LRMDA: variants seen among roughly 807,000 people sequenced by gnomAD.
LRMDA encodes leucine-rich melanocyte differentiation-associated protein.
In LRMDA, 18 loss-of-function variants were observed where a neutral mutation model predicts 29.8. That is an observed-to-expected ratio of 0.60 (90% confidence interval 0.42 to 0.90). LRMDA has a LOEUF of 0.90. LRMDA is among the 40% of genes least tolerant of loss of function. The probability of loss-of-function intolerance (pLI) is 0.00; values close to 1 mark genes in which losing one functional copy is unlikely to be tolerated. For synonymous variants in LRMDA, 125 were observed against 109.4 expected, an observed-to-expected ratio of 1.14 and a Z score of -0.89; for missense variants, 273 against 273.9, an observed-to-expected ratio of 1.00 and a Z score of 0.02.
At chr10:76,520,759 T>C (rs1024571993) in intron 6 of LRMDA, among the ~76,000 whole-genome samples, 5 of 152,210 alleles carry the variant, frequency 3.3e-5, no homozygotes, top group Admixed American at 1.3e-4. Context: ...ACATTTCAAA[T>C]TCTCAGGCTT....
At chr10:75,878,968 C>G (rs546684389) in intron 2 of LRMDA, among the ~76,000 whole-genome samples, 16 of 152,344 alleles carry the variant, frequency 1.1e-4, no homozygotes, top group African/African-American at 3.6e-4. Context: ...TACTTGGCCC[C>G]TTCCAAACTC....
intron 2 of LRMDA, among the ~76,000 whole-genome samples, chr10:75,979,210 CTAT>C (rs1324309249): frequency 2.6e-5 from 4 of 152,158 alleles, no homozygotes; most frequent in East Asian, 1.9e-4. Context: ...TATATTACTG[CTAT>C]TATTAATAAT....
chr10:75,524,271 G>A (rs932728700), intron 2 of LRMDA, among the ~76,000 whole-genome samples: 1 of 152,162 alleles, frequency 6.6e-6, no homozygotes, highest in African/African-American at 2.4e-5. Flanking sequence ...ATTCATCCAT[G>A]TAAATAATTG....
intron 6 of LRMDA, among the ~76,000 whole-genome samples, chr10:76,443,601 A>G (rs767413241): frequency 3.3e-5 from 5 of 152,222 alleles, no homozygotes; most frequent in Admixed American, 1.3e-4. Flanking sequence ...CTAGCTATCA[A>G]TACAGCATAG....
chr10:76,453,443 T>C (rs1287926857), intron 6 of LRMDA, among the ~76,000 whole-genome samples: 2 of 152,208 alleles, frequency 1.3e-5, no homozygotes, highest in African/African-American at 4.8e-5. Flanking sequence ...TTGAAACATG[T>C]ATTCCCAAGA....
At chr10:76,279,197 G>C (rs1336653355) in intron 5 of LRMDA, among the ~76,000 whole-genome samples, 1 of 152,186 alleles carries the variant, frequency 6.6e-6, no homozygotes, top group Non-Finnish European at 1.5e-5. Flanking sequence ...CATGAACTTA[G>C]AGTTTGACCA....
At chr10:75,721,667 A>G (rs1004641273) in intron 2 of LRMDA, among the ~76,000 whole-genome samples, 5 of 152,326 alleles carry the variant, frequency 3.3e-5, no homozygotes, top group East Asian at 1.9e-4. Context: ...CATTATGCAC[A>G]AAGGTCCTTT....
At chr10:76,168,203 G>C (rs1467757291) in intron 5 of LRMDA, among the ~76,000 whole-genome samples, 1 of 152,096 alleles carries the variant, frequency 6.6e-6, no homozygotes, top group African/African-American at 2.4e-5. Context: ...TTAGCCACAG[G>C]ACTTTGAATT....
At chr10:75,966,002 A>G (rs76645845) in intron 2 of LRMDA, among the ~76,000 whole-genome samples, 2,536 of 152,244 alleles carry the variant, frequency 0.017, 34 homozygotes, top group Non-Finnish European at 0.027. Context: ...TATCTCCTTA[A>G]TATCTTCTGC....
intron 6 of LRMDA, among the ~76,000 whole-genome samples, chr10:76,358,894 A>G (rs1841275219): frequency 6.6e-6 from 1 of 152,190 alleles, no homozygotes; most frequent in African/African-American, 2.4e-5. Context: ...ATTGATTTGA[A>G]TAACTCTGTT....
chr10:76,333,875 A>T (rs1198798801), intron 6 of LRMDA, among the ~76,000 whole-genome samples: 1 of 152,218 alleles, frequency 6.6e-6, no homozygotes, highest in Non-Finnish European at 1.5e-5. Flanking sequence ...AGAGAGAAAC[A>T]GAGGACCAGA....
chr10:76,367,205 T>G (rs1439992629), intron 6 of LRMDA, among the ~76,000 whole-genome samples: 5 of 152,166 alleles, frequency 3.3e-5, no homozygotes, highest in Non-Finnish European at 7.3e-5. Context: ...GATATCAATC[T>G]GTAGTTTTCT....
chr10:76,044,573 C>A (rs1182708095), intron 3 of LRMDA, among the ~76,000 whole-genome samples: 1 of 151,576 alleles, frequency 6.6e-6, no homozygotes, highest in Non-Finnish European at 1.5e-5. Context: ...AATAATTTTC[C>A]TGAAGAGTAT....
chr10:76,508,832 A>T (rs761334448), intron 6 of LRMDA, among the ~76,000 whole-genome samples: 3 of 152,196 alleles, frequency 2.0e-5, no homozygotes, highest in Non-Finnish European at 4.4e-5. Flanking sequence ...GAACTCAAGA[A>T]GTTAAATAAT....
chr10:75,763,909 G>T (rs1218240379), intron 2 of LRMDA, among the ~76,000 whole-genome samples: 1 of 152,106 alleles, frequency 6.6e-6, no homozygotes, highest in East Asian at 1.9e-4. Context: ...TGATGCAGGG[G>T]TGCAAACTGA....
intron 2 of LRMDA, among the ~76,000 whole-genome samples, chr10:75,794,992 T>C (rs1223692459): frequency 6.6e-6 from 1 of 152,114 alleles, no homozygotes; most frequent in Admixed American, 6.5e-5. Context: ...AACCTTTGCC[T>C]TCCTTGGGGT....
At chr10:76,033,348 A>G (rs1468914920) in intron 2 of LRMDA, among the ~76,000 whole-genome samples, 1 of 152,184 alleles carries the variant, frequency 6.6e-6, no homozygotes, top group African/African-American at 2.4e-5. Context: ...CACATAGCAA[A>G]AAGAGTCTCA....
At chr10:75,636,191 A>C (rs1046916523) in intron 2 of LRMDA, among the ~76,000 whole-genome samples, 2 of 152,190 alleles carry the variant, frequency 1.3e-5, no homozygotes, top group Admixed American at 1.3e-4. Flanking sequence ...CCTGGAAAGA[A>C]ATATTGCATG....
chr10:75,820,170 T>G (rs1159961233), intron 2 of LRMDA, among the ~76,000 whole-genome samples: 2 of 152,226 alleles, frequency 1.3e-5, no homozygotes, highest in Non-Finnish European at 2.9e-5. Context: ...AATGGACATT[T>G]ACAGACATTC....
Sources: allele counts gnomAD v4.1 joint callset (sites outside exome capture counted in the v4.1 genomes callset), GRCh38; gene constraint gnomAD v4.1.1; transcripts MANE v1.5; gene names NCBI Gene and HGNC (gene_info 2026-07-23, HGNC 2026-07-21).